The following CAMTA1 variants were observed in gnomAD, a reference collection of about 807,000 sequenced individuals.
CAMTA1 encodes calmodulin-binding transcription activator 1.
Under a neutral mutation model 170.9 loss-of-function variants are expected in CAMTA1, and 27 were observed. The ratio of observed to expected loss-of-function variants is 0.16; its 90% CI spans 0.12 to 0.22. The LOEUF is 0.22. Among genes scored for constraint, CAMTA1 ranks in the 10% least tolerant of loss-of-function variants. CAMTA1 has a pLI of 1.00. For missense variants in CAMTA1, 1,619 were observed against 2,217.2 expected, an observed-to-expected ratio of 0.73 and a Z score of 5.42; for synonymous variants, 833 against 891.5, an observed-to-expected ratio of 0.93 and a Z score of 1.17.
chr1:7,529,387 C>G (rs185919891), intron 6 of CAMTA1, among the ~76,000 whole-genome samples: 1 of 152,088 alleles, frequency 6.6e-6, no homozygotes, highest in Non-Finnish European at 1.5e-5. Context: ...GAATCTGGCC[C>G]CAGTAATGAC....
intron 5 of CAMTA1, among the ~76,000 whole-genome samples, chr1:7,320,394 T>G (rs1678192166): frequency 6.6e-6 from 1 of 152,214 alleles, no homozygotes; most frequent in South Asian, 2.1e-4. Flanking sequence ...AGTCATCGAA[T>G]CAGTTGGCCA....
Position 7,588,490 on chromosome 1 carries a change from C to T in CAMTA1, c.511-51910C>T, listed in dbSNP as rs1057345601. On this transcript the variant is annotated intron_variant, in intron 6 of 22. Transcript: ENST00000303635. The surrounding 1 kb of genome is among the most constrained non-coding windows in gnomAD (Gnocchi z 5.8). ...ACCCTCACCATTGCCATCACCACCT[C>T]CATTTGACAGCTGAGCTGAAGAGCT... 2.6e-5 allele frequency among the ~76,000 whole-genome samples: 4 copies of T among 152,250 alleles called. No individual in the cohort carries two copies. The East Asian group carries it at 7.7e-4, about 29-fold the overall frequency.
intron 4 of CAMTA1, among the ~76,000 whole-genome samples, chr1:7,227,213 G>C (rs541146197): frequency 6.6e-6 from 1 of 152,138 alleles, no homozygotes; most frequent in Non-Finnish European, 1.5e-5. Context: ...GTCCGTCTCT[G>C]TGCCCCTGTC....
intron 5 of CAMTA1, among the ~76,000 whole-genome samples, chr1:7,381,852 T>C (rs554119046): frequency 0.012 from 1,818 of 151,462 alleles, 45 homozygotes; most frequent in African/African-American, 0.042. Context: ...CCATTCTAAC[T>C]GGTGTGAGAT....
In CAMTA1 at chr1:7,665,795, A is replaced by G. The variant is rs4908471; in HGVS notation, c.2652+596A>G. On this transcript the variant is annotated intron_variant, in intron 9 of 22. Coordinates refer to ENST00000303635, the MANE Select transcript of CAMTA1 (RefSeq NM_015215.4). This position sits in a 1 kb window ranked among gnomAD's most constrained non-coding sequence, Gnocchi z 4.3. Reference sequence around the variant, plus strand: ...CAGCCAGAGTCGTCTGCCGTTTCTCAATTTATGTGTTGAGTCCATCTATGT... The same window carrying G: ...CAGCCAGAGTCGTCTGCCGTTTCTCGATTTATGTGTTGAGTCCATCTATGT... 0.41 allele frequency among the ~76,000 whole-genome samples: 61,753 copies of G among 151,918 alleles called. 12,673 individuals carry two copies. Among genetic ancestry groups the G allele is most frequent in the Admixed American group, 0.44 (6,693 of 15,280 alleles).
intron 3 of CAMTA1, among the ~76,000 whole-genome samples, chr1:6,865,325 AT>A (rs1438748657): frequency 1.3e-5 from 2 of 152,200 alleles, no homozygotes; most frequent in Admixed American, 6.5e-5. Flanking sequence ...TCATTCTCTC[AT>A]TCACCAGACA....
intron 3 of CAMTA1, among the ~76,000 whole-genome samples, chr1:7,018,144 T>TTTTTTTTTTTTTTTG (rs1553219179): frequency 3.3e-5 from 5 of 151,334 alleles, no homozygotes; most frequent in Admixed American, 6.6e-5. Context: ...CAGGGCTTTT[T>TTTTTTTTTTTTTTTG]AACAGATGGT....
chr1:7,606,028 AGAGCC>A (rs2095483711), intron 6 of CAMTA1, among the ~76,000 whole-genome samples: 2 of 152,256 alleles, frequency 1.3e-5, no homozygotes, highest in African/African-American at 4.8e-5. Context: ...GCTTCATCTC[AGAGCC>A]CACTGCCCCT....
intron 5 of CAMTA1, among the ~76,000 whole-genome samples, chr1:7,291,454 G>A (rs189451528): frequency 2.6e-5 from 4 of 152,336 alleles, no homozygotes; most frequent in Admixed American, 2.6e-4. Context: ...AGAGATGAAT[G>A]TTAAGTGCCT....
chr1:7,690,447 G>A (rs2096297997), intron 11 of CAMTA1, among the ~76,000 whole-genome samples: 1 of 152,226 alleles, frequency 6.6e-6, no homozygotes, highest in Admixed American at 6.5e-5. Context: ...GTGCTGGCAT[G>A]TGGGCAAGGA....
intron 3 of CAMTA1, among the ~76,000 whole-genome samples, chr1:6,986,254 C>T (rs961461997): frequency 2.0e-5 from 3 of 152,152 alleles, no homozygotes; most frequent in Non-Finnish European, 2.9e-5. Context: ...CTAAGTGGGG[C>T]GAGGCAGCTC....
At chr1:7,474,786 AC>A (rs2093393278) in intron 6 of CAMTA1, among the ~76,000 whole-genome samples, 1 of 152,200 alleles carries the variant, frequency 6.6e-6, no homozygotes, top group African/African-American at 2.4e-5. Flanking sequence ...TCCCTTAGCC[AC>A]CCAAGAGACT....
Position 7,609,501 on chromosome 1 carries a change from C to T in CAMTA1, c.511-30899C>T, listed in dbSNP as rs1329704616. On this transcript the variant is annotated intron_variant, in intron 6 of 22. Coordinates refer to ENST00000303635, the MANE Select transcript of CAMTA1 (RefSeq NM_015215.4). The surrounding 1 kb of genome is among the most constrained non-coding windows in gnomAD (Gnocchi z 4.4). ...AGAAGGCAAGCCCTGGCCCCAGCCT[C>T]CAGGCCCCCAGGGATGCTCAGGGCC... Among the ~76,000 whole-genome samples, 1 of 152,188 alleles carries T rather than the reference C, an allele frequency of 6.6e-6. No individual in the cohort carries two copies. The highest frequency in any genetic ancestry group is 6.5e-5 in the Admixed American group (1 of 15,288).
At chr1:6,997,403 T>C (rs1029957210) in intron 3 of CAMTA1, among the ~76,000 whole-genome samples, 2 of 152,162 alleles carry the variant, frequency 1.3e-5, no homozygotes, top group African/African-American at 4.8e-5. Context: ...GAGGTGCATA[T>C]CTTTTCAGGA....
chr1:6,861,538 T>G (rs1329994880), intron 3 of CAMTA1, among the ~76,000 whole-genome samples: 1 of 152,196 alleles, frequency 6.6e-6, no homozygotes, highest in Non-Finnish European at 1.5e-5. Context: ...GGTCAGGGGT[T>G]AGCGTGGCTT....
intron 5 of CAMTA1, among the ~76,000 whole-genome samples, chr1:7,379,369 T>C (rs2087098463): frequency 6.6e-6 from 1 of 152,236 alleles, no homozygotes; most frequent in Non-Finnish European, 1.5e-5. Context: ...ATGGAATCCT[T>C]AATTGAAATT....
chr1:7,510,672 T>C (rs2094191405), intron 6 of CAMTA1, among the ~76,000 whole-genome samples: 1 of 146,224 alleles, frequency 6.8e-6, no homozygotes, highest in Admixed American at 6.8e-5. Context: ...GGCGAGAATG[T>C]GTGGTTTATA....
At chr1:7,405,935 G>A (rs2090251904) in intron 5 of CAMTA1, among the ~76,000 whole-genome samples, 3 of 152,196 alleles carry the variant, frequency 2.0e-5, no homozygotes, top group Admixed American at 2.0e-4. Context: ...CCTGCTGTTG[G>A]GGATTTGGGG....
At chr1:7,615,616 T>G (rs2095554133) in intron 6 of CAMTA1, among the ~76,000 whole-genome samples, 1 of 152,226 alleles carries the variant, frequency 6.6e-6, no homozygotes, top group Non-Finnish European at 1.5e-5. Flanking sequence ...GATTCTCTCT[T>G]TTTGCTTTGG....
Sources: gnomAD v4.1 joint callset for allele counts (sites outside exome capture counted in the v4.1 genomes callset) on GRCh38, gnomAD v4.1.1 for gene constraint, Gnocchi (gnomAD v3.1) non-coding constraint, MANE v1.5 for transcripts, NCBI Gene and HGNC (gene_info 2026-07-23, HGNC 2026-07-21) for gene names.